Variants in SEMA6A observed in about 807,000 individuals in gnomAD.
SEMA6A encodes the protein semaphorin-6A.
SEMA6A carries 25 observed loss-of-function variants against 96.8 expected under a neutral mutation model. The ratio of observed to expected loss-of-function variants is 0.26; its 90% CI spans 0.19 to 0.36. The LOEUF is 0.36. Among genes scored for constraint, SEMA6A ranks in the 10% least tolerant of loss-of-function variants. The pLI is 1.00. For missense variants in SEMA6A, 1,363 were observed against 1,323.1 expected (o/e 1.03, Z -0.47); for synonymous variants, 612 against 518.0 (o/e 1.18, Z -2.46).
intron 10 of SEMA6A, among the ~76,000 whole-genome samples, chr5:116,483,084 T>C (rs1318182296): frequency 6.6e-6 from 1 of 152,232 alleles, no homozygotes; most frequent in Non-Finnish European, 1.5e-5. Flanking sequence ...AAATTTTATG[T>C]TAGTCTCTGT....
At chr5:116,566,573 CTG>C (rs1029878659) in intron 1 of SEMA6A, among the ~76,000 whole-genome samples, 2 of 152,192 alleles carry the variant, frequency 1.3e-5, no homozygotes, top group African/African-American at 4.8e-5. Flanking sequence ...TTGAAAATAA[CTG>C]TAACTCTAAG....
At chr5:116,490,472 G>T (rs77803844) in intron 7 of SEMA6A, among the ~76,000 whole-genome samples, 51 of 152,286 alleles carry the variant, frequency 3.3e-4, no homozygotes, top group African/African-American at 1.2e-3. Context: ...GGTTCCAAGT[G>T]TCAGTGAGGA....
intron 3 of SEMA6A, among the ~76,000 whole-genome samples, chr5:116,498,118 C>T (rs932626328): frequency 6.6e-6 from 1 of 152,164 alleles, no homozygotes; most frequent in East Asian, 1.9e-4. Context: ...ACATCCCCTT[C>T]TGTGTGAGCT....
intron 5 of SEMA6A, chr5:116,495,853 G>A (rs919699649): frequency 2.6e-5 from 9 of 339,784 alleles, no homozygotes; most frequent in Non-Finnish European, 4.9e-5. Context: ...TGGTTGAAGT[G>A]TGTTTTTATG....
chr5:116,533,758 C>T (rs1759591159), intron 1 of SEMA6A, among the ~76,000 whole-genome samples: 1 of 152,172 alleles, frequency 6.6e-6, no homozygotes, highest in African/African-American at 2.4e-5. Context: ...AAGCCTGGAT[C>T]TTTATCAGGG....
chr5:116,504,781 G>A, intron 2 of SEMA6A, 64 bp downstream of exon 2: 2 of 1,264,018 alleles, frequency 1.6e-6, no homozygotes, highest in Non-Finnish European at 2.3e-6. Flanking sequence ...TTTATTTTTT[G>A]CTAGGCTGAT....
intron 10 of SEMA6A, among the ~76,000 whole-genome samples, chr5:116,485,471 G>T (rs1207131309): frequency 6.6e-6 from 1 of 152,170 alleles, no homozygotes; most frequent in Non-Finnish European, 1.5e-5. Context: ...AATCCCTACA[G>T]ATGTTTAAAG....
chr5:116,521,282 T>G (rs1313843740), intron 1 of SEMA6A, among the ~76,000 whole-genome samples: 2 of 152,192 alleles, frequency 1.3e-5, no homozygotes, highest in Non-Finnish European at 2.9e-5. Flanking sequence ...TTACTAAGGC[T>G]CGATTGCCAA....
At position 116,507,269 on chromosome 5, in the gene SEMA6A, A is replaced by G. The variant is rs1758183484; in HGVS notation, c.-38-2287T>C. Among the ~76,000 whole-genome samples the G allele has an allele frequency of 3.3e-5, 5 of 152,348 alleles. No homozygotes were observed. In the South Asian group the frequency reaches 8.3e-4, roughly 25 times the overall value. Reference sequence around the variant, plus strand: ...TATTGGTTAATCTTGGTCAGTCCACATGAACACTTTAAAATTTTCTTCAGT... The same window carrying G: ...TATTGGTTAATCTTGGTCAGTCCACGTGAACACTTTAAAATTTTCTTCAGT... On this transcript the variant is annotated intron_variant, in intron 1 of 18. Transcript: ENST00000343348.
chr5:116,567,723 T>TCC (rs1285448651), intron 1 of SEMA6A, among the ~76,000 whole-genome samples: 6 of 152,292 alleles, frequency 3.9e-5, no homozygotes, highest in African/African-American at 1.2e-4. Flanking sequence ...TCCACTACCT[T>TCC]CCCTCCAACG....
rs140531932 is a variant in SEMA6A, at chr5:116,526,759, T to C, written c.-38-21777A>G. 2.7e-3 allele frequency among the ~76,000 whole-genome samples: 405 copies of C among 152,282 alleles called. 2 individuals carry two copies. Among genetic ancestry groups the C allele is most frequent in the African/African-American group, 9.2e-3 (384 of 41,554 alleles). On this transcript the variant is annotated intron_variant, in intron 1 of 18. Coordinates refer to ENST00000343348, the MANE Select transcript of SEMA6A (RefSeq NM_020796.5). The stretch of plus-strand genomic sequence containing the variant: ...CTTAGTGCTAGCTCAAAACTCCTGT[T>C]CTATATACACGCCCAGGTAACGCAC...
rs1754113512 is a variant in SEMA6A, at chr5:116,445,308, C to G, written c.*1305G>C. 1 of 152,642 alleles carries G rather than the reference C, an allele frequency of 6.6e-6. No homozygotes were observed. The highest frequency in any genetic ancestry group is 2.1e-4 in the South Asian group (1 of 4,830). 9.5% of individuals were successfully genotyped at this position (152,642 alleles called of 1,614,324 possible). On this transcript the variant is annotated 3_prime_UTR_variant, in exon 19 of 19. Coordinates refer to ENST00000343348, the MANE Select transcript of SEMA6A (RefSeq NM_020796.5). The stretch of plus-strand genomic sequence containing the variant: ...TGTACACAACTCAAGGTGTAAGGCA[C>G]AAATTTACATGTGGAAAACAGGCTA...
intron 10 of SEMA6A, among the ~76,000 whole-genome samples, chr5:116,485,018 A>G (rs139848917): frequency 9.8e-4 from 149 of 152,314 alleles, no homozygotes; most frequent in African/African-American, 3.4e-3. Context: ...CCAAGTTTGC[A>G]TGTGTAAAGC....
intron 17 of SEMA6A, 120 bp from the exon 18 acceptor site, chr5:116,467,867 G>C: frequency 1.1e-6 from 1 of 870,676 alleles, no homozygotes; most frequent in Non-Finnish European, 1.7e-6. Flanking sequence ...GATGGCCCTA[G>C]AAATGACACG....
chr5:116,454,862 C>T (rs1057191220), intron 18 of SEMA6A, among the ~76,000 whole-genome samples: 7 of 151,690 alleles, frequency 4.6e-5, no homozygotes, highest in Admixed American at 1.3e-4. Flanking sequence ...TGGCAGGCTA[C>T]AGATTAGGTA....
At chr5:116,529,704 A>C (rs1385661741) in intron 1 of SEMA6A, among the ~76,000 whole-genome samples, 1 of 152,184 alleles carries the variant, frequency 6.6e-6, no homozygotes, top group African/African-American at 2.4e-5. Flanking sequence ...TTATGGTTTA[A>C]AACTAGGCAT....
intron 1 of SEMA6A, among the ~76,000 whole-genome samples, chr5:116,541,144 G>T (rs1228620023): frequency 6.6e-6 from 1 of 152,038 alleles, no homozygotes; most frequent in Non-Finnish European, 1.5e-5. Flanking sequence ...ATGGGTGTTG[G>T]GGTGGAGGGT....
intron 1 of SEMA6A, chr5:116,508,084 A>G (rs2112783390): frequency 6.6e-6 from 1 of 152,220 alleles, no homozygotes; most frequent in Non-Finnish European, 1.5e-5. Context: ...GTGATGTACA[A>G]ATGGTGTTGT....
Position 116,515,963 on chromosome 5 carries a change from C to A in SEMA6A, c.-38-10981G>T, listed in dbSNP as rs76532237. On this transcript the variant is annotated intron_variant, in intron 1 of 18. Transcript: ENST00000343348. ...TAACCCTATAAATCCTTACTGTTTT[C>A]TTGTTGTTTGTCAACATTTTTGGTA... 6.1e-3 allele frequency among the ~76,000 whole-genome samples: 931 copies of A among 152,272 alleles called. 6 individuals carry two copies. Among genetic ancestry groups the A allele is most frequent in the Middle Eastern group, 0.024 (7 of 294 alleles).
Sources: allele counts gnomAD v4.1 joint callset (sites outside exome capture counted in the v4.1 genomes callset), GRCh38; gene constraint gnomAD v4.1.1; transcripts MANE v1.5; gene names NCBI Gene and HGNC (gene_info 2026-07-23, HGNC 2026-07-21).